RS1: variants seen among roughly 807,000 people sequenced by gnomAD.
The protein encoded by RS1 is retinoschisin.
A neutral mutation model predicts 20.8 loss-of-function variants in RS1; 2 were observed. That is an observed-to-expected ratio of 0.10 (90% CI 0.04 to 0.30). The LOEUF is 0.30. Among genes scored for constraint, RS1 ranks in the 10% least tolerant of loss-of-function variants. The pLI is 1.00. For synonymous variants in RS1, 70 were observed against 75.8 expected, an observed-to-expected ratio of 0.92 and a Z score of 0.40; for missense variants, 151 against 189.8, an observed-to-expected ratio of 0.80 and a Z score of 1.20.
At chrX:18,652,584 G>A (rs892202938) in intron 3 of RS1, among the ~76,000 whole-genome samples, 11 of 111,249 alleles carry the variant, frequency 9.9e-5, no homozygotes, top group East Asian at 2.8e-4. Flanking sequence ...CAGGAGAATC[G>A]CTTGAACCCA....
In RS1 at chrX:18,640,436, C is replaced by A. The variant is rs1927528912; in HGVS notation, c.*1568G>T. ...TAAGGCCAGGGATAAGTCCCCCCAC[C>A]CCCCCCCCCCACCCCCAACACCCTG... is the stretch of plus-strand genomic sequence containing the variant. On this transcript the variant is annotated 3_prime_UTR_variant, in exon 6 of 6. Coordinates refer to ENST00000379984, the MANE Select transcript of RS1 (RefSeq NM_000330.4). 2 of 44,667 alleles carry A rather than the reference C, an allele frequency of 4.5e-5. No homozygotes were observed. The highest frequency in any genetic ancestry group is 7.4e-5 in the Non-Finnish European group (2 of 26,861). 3.7% of individuals were successfully genotyped at this position (44,667 alleles called of 1,213,427 possible). A position where few individuals can be genotyped will look rare whatever the true frequency, so the allele number is the denominator to read the frequency against.
intron 1 of RS1, among the ~76,000 whole-genome samples, chrX:18,664,009 A>G (rs1019809430): frequency 1.8e-5 from 2 of 111,795 alleles, no homozygotes; most frequent in African/African-American, 6.5e-5. Flanking sequence ...CAATTTATAC[A>G]AAGGCTGAAC....
At chrX:18,660,706 G>C (rs1354989410) in intron 1 of RS1, among the ~76,000 whole-genome samples, 1 of 112,108 alleles carries the variant, frequency 8.9e-6, no homozygotes, top group Non-Finnish European at 1.9e-5. Flanking sequence ...ATAAAAGCTT[G>C]AATTTCAATA....
At chrX:18,663,396 G>C (rs1928353021) in intron 1 of RS1, among the ~76,000 whole-genome samples, 1 of 93,811 alleles carries the variant, frequency 1.1e-5, no homozygotes, top group African/African-American at 4.1e-5. Context: ...CCAGGCTGGA[G>C]TACAGTGGCA....
intron 3 of RS1, chrX:18,647,571 A>G (rs1411709306): frequency 2.5e-6 from 1 of 404,769 alleles, no homozygotes; most frequent in Non-Finnish European, 4.3e-6. Context: ...TTGTAAAAGC[A>G]GAGGGAAGTG....
chrX:18,656,628 C>G (rs1251598181), intron 3 of RS1, 25 bp downstream of exon 3: 1 of 1,112,742 alleles, frequency 9.0e-7, no homozygotes, highest in African/African-American at 1.8e-5. Context: ...ATGACTGTTC[C>G]ATCCCAAGGA....
At chrX:18,642,765 C>T (rs1414841279) in intron 5 of RS1, among the ~76,000 whole-genome samples, 1 of 112,206 alleles carries the variant, frequency 8.9e-6, no homozygotes. Flanking sequence ...CTTGGCCAGG[C>T]GCAGTGGCTC....
In RS1 at chrX:18,644,592, G is replaced by C; in HGVS notation, c.360C>G (p.Ser120Arg). ...CCTTCAGATCTATCTGTAACCACTG[G>C]CTACTGTCCTGGAACTTGGAGAGCC... ...CAWLSKFQDS[S>R]QWLQIDLKEI... Residue 120 changes from serine (S) to arginine (R), a missense_variant, in exon 5 of 6, where the codon AGC becomes AGG. Ser to Arg is a moderately radical substitution (Grantham distance 110). Transcript: ENST00000379984. 8.3e-7 allele frequency: 1 copy of C among 1,211,271 alleles called. No individual in the cohort carries two copies. The highest frequency in any genetic ancestry group is 1.1e-6 in the Non-Finnish European group (1 of 895,309).
chrX:18,666,802 G>T (rs1928412625), intron 1 of RS1, among the ~76,000 whole-genome samples: 1 of 110,778 alleles, frequency 9.0e-6, no homozygotes, highest in African/African-American at 3.3e-5. Flanking sequence ...CAGGGGTGGG[G>T]GTGTGAAAGA....
chrX:18,646,370 T>C (rs1025905537), intron 4 of RS1, among the ~76,000 whole-genome samples: 15 of 111,932 alleles, frequency 1.3e-4, no homozygotes, highest in African/African-American at 4.5e-4. Flanking sequence ...GCTAAGCTGG[T>C]CTTGAACTCC....
chrX:18,643,441 G>A (rs1408281086), intron 5 of RS1, among the ~76,000 whole-genome samples: 3 of 112,285 alleles, frequency 2.7e-5, no homozygotes, highest in Admixed American at 1.9e-4. Flanking sequence ...AGAGAGGGGA[G>A]GGTGGAACAG....
chrX:18,653,589 C>T, intron 3 of RS1: 2 of 1,183,274 alleles, frequency 1.7e-6, no homozygotes, highest in Non-Finnish European at 2.3e-6. Context: ...AATCACCTCT[C>T]TCATGGAAGA....
intron 1 of RS1, among the ~76,000 whole-genome samples, chrX:18,658,981 A>G (rs1309140994): frequency 1.8e-5 from 2 of 111,786 alleles, no homozygotes; most frequent in Non-Finnish European, 3.8e-5. Flanking sequence ...AGTACCATAT[A>G]CATAATGTGG....
chrX:18,650,456 C>T lies in RS1; in HGVS notation c.185-3124G>A, dbSNP rs1602315522. Reference sequence around the variant, plus strand: ...ACCCAAAGAAGCCTCACACTCCGTGCGTCCCAAACCGAGCCCTTCATCGTC... The same window carrying T: ...ACCCAAAGAAGCCTCACACTCCGTGTGTCCCAAACCGAGCCCTTCATCGTC... On this transcript the variant is annotated intron_variant, in intron 3 of 5. Coordinates refer to ENST00000379984, the MANE Select transcript of RS1 (RefSeq NM_000330.4). 14 of 1,211,631 alleles carry T rather than the reference C, an allele frequency of 1.2e-5. No homozygotes were observed. The highest frequency in any genetic ancestry group is 1.8e-5 in the South Asian group (1 of 56,997).
chrX:18,643,493 T>C (rs1173293813), intron 5 of RS1, among the ~76,000 whole-genome samples: 1 of 112,448 alleles, frequency 8.9e-6, no homozygotes, highest in Non-Finnish European at 1.9e-5. Flanking sequence ...AGTGCCTCTT[T>C]GCAAAGAACC....
chrX:18,658,262 G>A (rs780403733), intron 1 of RS1, among the ~76,000 whole-genome samples: 6 of 111,750 alleles, frequency 5.4e-5, no homozygotes, highest in African/African-American at 2.0e-4. Context: ...GGCAGGGAGA[G>A]GAAAACACCT....
intron 3 of RS1, among the ~76,000 whole-genome samples, chrX:18,652,787 C>T (rs898500027): frequency 8.9e-6 from 1 of 112,625 alleles, no homozygotes; most frequent in Non-Finnish European, 1.9e-5. Context: ...CTCATTTCAC[C>T]CTTAGGGAAA....
chrX:18,652,033 C>T (rs1928071077), intron 3 of RS1, among the ~76,000 whole-genome samples: 1 of 110,451 alleles, frequency 9.1e-6, no homozygotes, highest in African/African-American at 3.3e-5. Flanking sequence ...CTCCCCAGCA[C>T]CCTTCACACC....
chrX:18,664,354 G>A lies in RS1; in HGVS notation c.53-6689C>T, dbSNP rs767018955. On this transcript the variant is annotated intron_variant, in intron 1 of 5. Coordinates refer to ENST00000379984, the MANE Select transcript of RS1 (RefSeq NM_000330.4). ...AAAAAACGTACAAAAGGGGCCGGGC[G>A]CGGTGGCTCACGCCTGTAATCCCAG... is the stretch of plus-strand genomic sequence containing the variant. Among the ~76,000 whole-genome samples, 20 of 112,523 alleles carry A rather than the reference G, an allele frequency of 1.8e-4. No homozygotes were observed. The South Asian group carries it at 3.3e-3, about 19-fold the overall frequency.
Sources: gnomAD v4.1 joint callset for allele counts (sites outside exome capture counted in the v4.1 genomes callset) on GRCh38, gnomAD v4.1.1 for gene constraint, MANE v1.5 for transcripts, NCBI Gene and HGNC (gene_info 2026-07-23, HGNC 2026-07-21) for gene names.